Variants in MTRES1 observed in about 807,000 individuals in gnomAD.
MTRES1 encodes uncharacterized protein C6orf203.
In MTRES1, 11 loss-of-function variants were observed where a neutral mutation model predicts 17.4. The ratio of observed to expected loss-of-function variants is 0.63; its 90% CI spans 0.40 to 1.05. MTRES1 has a LOEUF of 1.05. MTRES1 is among the 50% of genes least tolerant of loss of function. The pLI is 0.00. For synonymous variants in MTRES1, 94 were observed against 99.6 expected (o/e 0.94, Z 0.34); for missense variants, 268 against 276.2 (o/e 0.97, Z 0.21).
chr6:107,049,720 C>CT (rs66581737), intron 3 of MTRES1, among the ~76,000 whole-genome samples: 107 of 98,782 alleles, frequency 1.1e-3, no homozygotes, highest in African/African-American at 1.8e-3. Flanking sequence ...GCCGGCCCTT[C>CT]TTTTTTTTTT....
In MTRES1 at chr6:107,051,492, G is replaced by A. The variant is rs1330342341; in HGVS notation, c.*256G>A. On this transcript the variant is annotated 3_prime_UTR_variant, in exon 4 of 4. Coordinates refer to ENST00000311381, the MANE Select transcript of MTRES1 (RefSeq NM_016487.5). The stretch of plus-strand genomic sequence containing the variant: ...TGCCAGAGTGAGACGTGTGCAGAAT[G>A]AACTAAGCCCCAGAGGGTTTTAATG... 1 of 390,698 alleles carries A rather than the reference G, an allele frequency of 2.6e-6. No individual in the cohort carries two copies. The highest frequency in any genetic ancestry group is 4.6e-6 in the Non-Finnish European group (1 of 216,908). The allele number at this position is 390,698 out of a possible 1,614,324, so 24.2% of individuals were successfully genotyped here.
chr6:107,039,633 TA>T (rs782642496), intron 1 of MTRES1, 115 bp from the exon 2 acceptor site: 32 of 1,148,480 alleles, frequency 2.8e-5, no homozygotes, highest in Non-Finnish European at 3.4e-5. Context: ...TAGGACTTTT[TA>T]GGGGCGAATA....
intron 1 of MTRES1, among the ~76,000 whole-genome samples, chr6:107,031,389 AAAAAAAAAAAG>A: frequency 6.7e-6 from 1 of 149,522 alleles, no homozygotes; most frequent in African/African-American, 2.5e-5. Flanking sequence ...CTGTCTCAAA[AAAAAAAAAAAG>A]AAAAAAAAAG....
At chr6:107,045,672 G>A (rs1774368013) in intron 3 of MTRES1, among the ~76,000 whole-genome samples, 1 of 151,556 alleles carries the variant, frequency 6.6e-6, no homozygotes, top group South Asian at 2.1e-4. Flanking sequence ...CTTTCATAAT[G>A]GAAAAAACAA....
At chr6:107,031,605 G>T (rs1346197833) in intron 1 of MTRES1, among the ~76,000 whole-genome samples, 5 of 136,392 alleles carry the variant, frequency 3.7e-5, no homozygotes, top group African/African-American at 1.4e-4. Flanking sequence ...ATCGTGCCCA[G>T]CTATTTTTTT....
chr6:107,042,698 GTTT>G (rs1554227914), intron 2 of MTRES1, among the ~76,000 whole-genome samples: 1 of 152,152 alleles, frequency 6.6e-6, no homozygotes, highest in Non-Finnish European at 1.5e-5. Flanking sequence ...GTGGTGCCTG[GTTT>G]TTCTCTCAGT....
chr6:107,048,731 G>A (rs1774481079), intron 3 of MTRES1, among the ~76,000 whole-genome samples: 1 of 140,856 alleles, frequency 7.1e-6, no homozygotes, highest in Non-Finnish European at 1.5e-5. Context: ...AGTGAGCCGA[G>A]ATCACACCAC....
chr6:107,032,796 C>T (rs1242344503), intron 1 of MTRES1, among the ~76,000 whole-genome samples: 1 of 152,190 alleles, frequency 6.6e-6, no homozygotes, highest in Non-Finnish European at 1.5e-5. Context: ...TGGACTGGTC[C>T]ATTATCAAGC....
intron 1 of MTRES1, 57 bp from the exon 2 acceptor site, chr6:107,039,692 G>A: frequency 6.6e-7 from 1 of 1,522,812 alleles, no homozygotes; most frequent in Non-Finnish European, 8.8e-7. Context: ...GGTTTATGTT[G>A]TAATAATGTC....
chr6:107,030,889 T>G (rs1055894301), intron 1 of MTRES1, among the ~76,000 whole-genome samples: 2 of 152,180 alleles, frequency 1.3e-5, no homozygotes, highest in Admixed American at 6.6e-5. Context: ...GTCTGGAATT[T>G]GGGAGAAAGT....
chr6:107,040,054 G>A lies in MTRES1; in HGVS notation c.294G>A (p.Leu98=). The change falls in exon 2 of 4, where the codon CTG becomes CTA. Residue 98 remains leucine (L), a synonymous_variant. Transcript: ENST00000311381. The stretch of plus-strand genomic sequence containing the variant: ...CTACAAAATCTACTAAAAAGTCTCT[G>A]CAAAAAGTAGATGAAGAGGACTCTG... ...IRSTKSTKKS[L]QKVDEEDSDE... is the part of the protein sequence containing the mutation. The A allele has an allele frequency of 6.2e-7, 1 of 1,613,230 alleles. No homozygotes were observed.
chr6:107,032,508 C>A (rs13200810), intron 1 of MTRES1, among the ~76,000 whole-genome samples: 42,573 of 151,902 alleles, frequency 0.28, 6,231 homozygotes, highest in South Asian at 0.34. Flanking sequence ...GTTAGGAGTT[C>A]GAGACCAGCC....
intron 1 of MTRES1, among the ~76,000 whole-genome samples, chr6:107,030,383 A>G (rs992733841): frequency 6.6e-6 from 1 of 152,188 alleles, no homozygotes; most frequent in Non-Finnish European, 1.5e-5. Context: ...TTGATTCACT[A>G]AGAGGACTCA....
intron 2 of MTRES1, among the ~76,000 whole-genome samples, chr6:107,041,075 A>C (rs1774192088): frequency 6.7e-6 from 1 of 149,630 alleles, no homozygotes; most frequent in Non-Finnish European, 1.5e-5. Flanking sequence ...AAATACAAAA[A>C]ATTAGCCAGG....
chr6:107,028,451 A>G (rs1350444023), intron 1 of MTRES1, 180 bp downstream of exon 1: 1 of 152,284 alleles, frequency 6.6e-6, no homozygotes, highest in African/African-American at 2.4e-5. Flanking sequence ...GAGCGCGGCG[A>G]AGCCTTCCGT....
chr6:107,038,871 G>A (rs1019547775), intron 1 of MTRES1, among the ~76,000 whole-genome samples: 65 of 152,020 alleles, frequency 4.3e-4, no homozygotes, highest in African/African-American at 1.5e-3. Flanking sequence ...CCTGACCACC[G>A]TGTAGAAACC....
At chr6:107,048,238 G>A (rs1021273136) in intron 3 of MTRES1, among the ~76,000 whole-genome samples, 14 of 151,846 alleles carry the variant, frequency 9.2e-5, no homozygotes, top group Non-Finnish European at 1.6e-4. Context: ...AGGTTCAAGC[G>A]ATTCTCTTGC....
chr6:107,038,475 C>G (rs1774082042), intron 1 of MTRES1, among the ~76,000 whole-genome samples: 1 of 152,154 alleles, frequency 6.6e-6, no homozygotes, highest in African/African-American at 2.4e-5. Flanking sequence ...ATGTCACAAG[C>G]ACTTGTTGCA....
chr6:107,046,303 A>G (rs1223122454), intron 3 of MTRES1, among the ~76,000 whole-genome samples: 1 of 151,666 alleles, frequency 6.6e-6, no homozygotes, highest in African/African-American at 2.4e-5. Context: ...TCATTTACAA[A>G]CCCCACTAGA....
Sources: allele counts gnomAD v4.1 joint callset (sites outside exome capture counted in the v4.1 genomes callset), GRCh38; gene constraint gnomAD v4.1.1; transcripts MANE v1.5; gene names NCBI Gene and HGNC (gene_info 2026-07-23, HGNC 2026-07-21).